Variants in RAE1 observed in about 807,000 individuals in gnomAD.
The protein encoded by RAE1 is ribonucleic acid export 1.
A neutral mutation model predicts 52.7 loss-of-function variants in RAE1; 13 were observed. The ratio of observed to expected loss-of-function variants is 0.25; its 90% CI spans 0.16 to 0.39. RAE1 has a LOEUF of 0.39. Among genes scored for constraint, RAE1 ranks in the 10% least tolerant of loss-of-function variants. RAE1 has a pLI of 1.00. For synonymous variants in RAE1, 164 were observed against 153.1 expected (o/e 1.07, Z -0.52); for missense variants, 262 against 459.8 (o/e 0.57, Z 3.93).
chr20:57,362,739 GA>G (rs1439190007), intron 4 of RAE1, among the ~76,000 whole-genome samples: 14 of 152,174 alleles, frequency 9.2e-5, no homozygotes, highest in African/African-American at 3.4e-4. Flanking sequence ...GTAAAGTTTG[GA>G]AAGGCTTCTG....
intron 5 of RAE1, among the ~76,000 whole-genome samples, chr20:57,366,596 A>G (rs1402087951): frequency 6.6e-6 from 1 of 152,176 alleles, no homozygotes; most frequent in Non-Finnish European, 1.5e-5. Context: ...CACCTTCAAC[A>G]CTGGGGATTA....
In RAE1 at chr20:57,367,097, A is replaced by G. The variant is rs1006401035; in HGVS notation, c.534+18A>G. 15 of 1,532,482 alleles carry G rather than the reference A, an allele frequency of 9.8e-6. No individual in the cohort carries two copies. The highest frequency in any genetic ancestry group is 1.3e-5 in the Non-Finnish European group (14 of 1,119,692). 94.9% of individuals were successfully genotyped at this position (1,532,482 alleles called of 1,614,324 possible). A position where few individuals can be genotyped will look rare whatever the true frequency, so the allele number is the denominator to read the frequency against. The stretch of plus-strand genomic sequence containing the variant: ...CTGACGTGGTAAGGGATTTCAACTT[A>G]ATATGTATTTACTTTAAAAAAAAAA... On this transcript the variant is annotated intron_variant, in intron 7 of 11. Coordinates refer to ENST00000395841, the MANE Select transcript of RAE1 (RefSeq NM_003610.4).
intron 10 of RAE1, 23 bp from the exon 11 acceptor site, chr20:57,374,584 A>G (rs375811631): frequency 5.0e-5 from 80 of 1,593,648 alleles, no homozygotes; most frequent in African/African-American, 6.7e-5. Flanking sequence ...CTGGCTTCTC[A>G]TTGTGCATGT....
At chr20:57,352,886 A>C (rs2066731382) in intron 1 of RAE1, among the ~76,000 whole-genome samples, 1 of 152,218 alleles carries the variant, frequency 6.6e-6, no homozygotes, top group Non-Finnish European at 1.5e-5. Context: ...TGGTGTTTCA[A>C]GTACCTCTGC....
intron 7 of RAE1, among the ~76,000 whole-genome samples, 158 bp from the exon 8 acceptor site, chr20:57,368,547 A>G (rs1600722044): frequency 1.3e-5 from 2 of 152,244 alleles, no homozygotes; most frequent in Non-Finnish European, 1.5e-5. Flanking sequence ...TGAATGTTCT[A>G]CTTTCAAATA....
Position 57,355,872 on chromosome 20 carries a change from T to A in RAE1, c.196-574T>A, listed in dbSNP as rs2066777852. The stretch of plus-strand genomic sequence containing the variant: ...GATTATTTGCTGCTTAAAAAAAGGA[T>A]GTTTCAAGTTGAACAGGCTAGTGAT... On this transcript the variant is annotated intron_variant, in intron 3 of 11. Coordinates refer to ENST00000395841, the MANE Select transcript of RAE1 (RefSeq NM_003610.4). Among the ~76,000 whole-genome samples, 3 of 152,168 alleles carry A rather than the reference T, an allele frequency of 2.0e-5. No homozygotes were observed. The South Asian group carries it at 6.2e-4, about 31-fold the overall frequency.
intron 7 of RAE1, among the ~76,000 whole-genome samples, chr20:57,368,014 C>T (rs916211356): frequency 6.6e-6 from 1 of 152,092 alleles, no homozygotes; most frequent in Admixed American, 6.6e-5. Flanking sequence ...TTCAGCCTCC[C>T]GTTAACTGGG....
chr20:57,373,576 G>A lies in RAE1; in HGVS notation c.744G>A (p.Pro248=), dbSNP rs377171322. Residue 248 remains proline (P), a synonymous_variant, in exon 9 of 12, where the codon CCG becomes CCA. Transcript: ENST00000395841. ...GRVAIHYINP[P]NPAKDNFTFK... The stretch of plus-strand genomic sequence containing the variant: ...TTGCTATTCACTATATCAACCCCCC[G>A]AACCCGTAAGTGTGACTCTGTCAGC... 33 of 1,613,768 alleles carry A rather than the reference G, an allele frequency of 2.0e-5. No individual in the cohort carries two copies. In the East Asian group the frequency reaches 4.5e-4, roughly 22 times the overall value.
intron 11 of RAE1, among the ~76,000 whole-genome samples, chr20:57,376,415 T>C (rs1046804323): frequency 4.6e-5 from 7 of 152,184 alleles, no homozygotes; most frequent in African/African-American, 1.7e-4. Context: ...CACAAAACCA[T>C]GGATCTGTTT....
intron 4 of RAE1, among the ~76,000 whole-genome samples, chr20:57,362,786 T>G (rs1189083652): frequency 1.3e-5 from 2 of 151,854 alleles, no homozygotes; most frequent in African/African-American, 4.8e-5. Context: ...AGAGGTAAAT[T>G]TTTGTTTGTT....
intron 5 of RAE1, 88 bp from the exon 6 acceptor site, chr20:57,366,719 G>C: frequency 7.9e-7 from 1 of 1,272,210 alleles, no homozygotes; most frequent in Non-Finnish European, 1.1e-6. Flanking sequence ...ATTTAAATTA[G>C]TTTCTTCCCT....
At position 57,351,288 on chromosome 20, in the gene RAE1, G is replaced by A. The variant is rs1568773905; in HGVS notation, c.-142G>A. 1 of 985,450 alleles carries A rather than the reference G, an allele frequency of 1.0e-6. No homozygotes were observed. Among genetic ancestry groups the A allele is most frequent in the Non-Finnish European group, 1.2e-6 (1 of 829,926 alleles). 61.0% of individuals were successfully genotyped at this position (985,450 alleles called of 1,614,324 possible). On this transcript the variant is annotated 5_prime_UTR_variant, in exon 1 of 12. Coordinates refer to ENST00000395841, the MANE Select transcript of RAE1 (RefSeq NM_003610.4). ...GGTAGTCAGGGCAGTTTCTACCGCA[G>A]GCTTAAGGAGGCTTCGGGCTCCTGG...
chr20:57,367,820 C>T (rs1449047524), intron 7 of RAE1, among the ~76,000 whole-genome samples: 1 of 150,776 alleles, frequency 6.6e-6, no homozygotes, highest in Non-Finnish European at 1.5e-5. Context: ...TTTGTACCAA[C>T]AATCCCGTAA....
intron 1 of RAE1, chr20:57,351,626 TGTG>T (rs1244263840): frequency 3.0e-6 from 3 of 985,438 alleles, no homozygotes; most frequent in Non-Finnish European, 3.6e-6. Flanking sequence ...TCGTTTCTCT[TGTG>T]GGGGAACTGA....
At chr20:57,356,374 A>G (rs1335752429) in intron 3 of RAE1, 72 bp from the exon 4 acceptor site, 1 of 1,163,926 alleles carries the variant, frequency 8.6e-7, no homozygotes, top group Non-Finnish European at 1.3e-6. Context: ...GTACCCCATT[A>G]GTTTTTAGGT....
intron 4 of RAE1, chr20:57,358,953 CGTCTTATTT>C: frequency 2.1e-6 from 3 of 1,444,196 alleles, no homozygotes; most frequent in Non-Finnish European, 1.8e-6. Context: ...AAGGTTTTCT[CGTCTTATTT>C]GTTTATATCC....
At chr20:57,362,484 C>G (rs888766802) in intron 4 of RAE1, among the ~76,000 whole-genome samples, 9 of 152,208 alleles carry the variant, frequency 5.9e-5, no homozygotes, top group Non-Finnish European at 1.3e-4. Flanking sequence ...TTTTGTCTGT[C>G]TTTACTGATC....
intron 3 of RAE1, among the ~76,000 whole-genome samples, 196 bp from the exon 4 acceptor site, chr20:57,356,246 ATTTG>A (rs1421217970): frequency 3.9e-5 from 6 of 152,216 alleles, no homozygotes; most frequent in Non-Finnish European, 5.9e-5. Flanking sequence ...AAGCAATAGA[ATTTG>A]TTTATTTTAA....
At chr20:57,361,371 G>A (rs1172896683) in intron 4 of RAE1, among the ~76,000 whole-genome samples, 1 of 152,126 alleles carries the variant, frequency 6.6e-6, no homozygotes, top group Non-Finnish European at 1.5e-5. Flanking sequence ...TACATCAATC[G>A]AGGGGTAGCT....
Sources: gnomAD v4.1 joint callset for allele counts (sites outside exome capture counted in the v4.1 genomes callset) on GRCh38, gnomAD v4.1.1 for gene constraint, MANE v1.5 for transcripts, NCBI Gene and HGNC (gene_info 2026-07-23, HGNC 2026-07-21) for gene names.